The following ROR1 variants were observed in gnomAD, a reference collection of about 807,000 sequenced individuals.
ROR1 encodes ROR family WNT receptor 1.
In ROR1, 19 loss-of-function variants were observed where a neutral mutation model predicts 78.8. That is an observed-to-expected ratio of 0.24 (90% CI 0.17 to 0.35). The LOEUF is 0.35. Ranked by LOEUF, ROR1 falls within the 10% of genes least tolerant of loss-of-function variation. The pLI is 1.00. For synonymous variants in ROR1, 386 were observed against 433.6 expected (o/e 0.89, Z 1.36); for missense variants, 917 against 1,177.8 (o/e 0.78, Z 3.24).
At chr1:63,855,571 A>G (rs977930490) in intron 1 of ROR1, among the ~76,000 whole-genome samples, 3 of 150,794 alleles carry the variant, frequency 2.0e-5, no homozygotes, top group African/African-American at 4.9e-5. Context: ...ATCCTCTGCA[A>G]TGTCTAATCT....
intron 2 of ROR1, among the ~76,000 whole-genome samples, chr1:64,033,655 TA>T (rs1015927967): frequency 1.3e-5 from 2 of 152,234 alleles, no homozygotes; most frequent in African/African-American, 2.4e-5. Flanking sequence ...ATAGTAATAA[TA>T]ATGACAAACC....
At chr1:64,082,229 G>C (rs1271868485) in intron 4 of ROR1, among the ~76,000 whole-genome samples, 1 of 152,180 alleles carries the variant, frequency 6.6e-6, no homozygotes, top group Non-Finnish European at 1.5e-5. Context: ...GAATAAGTTC[G>C]TGGCAGTAAT....
chr1:64,105,117 G>A (rs146673746), intron 4 of ROR1, among the ~76,000 whole-genome samples: 2 of 152,244 alleles, frequency 1.3e-5, no homozygotes, highest in East Asian at 1.9e-4. Flanking sequence ...AACCTCACTA[G>A]CATCTATTGT....
At chr1:63,935,874 A>C (rs924410641) in intron 1 of ROR1, among the ~76,000 whole-genome samples, 1 of 152,234 alleles carries the variant, frequency 6.6e-6, no homozygotes. Flanking sequence ...CATTACAGGA[A>C]CATCCACACT....
At chr1:64,164,952 G>C (rs1212416516) in intron 8 of ROR1, among the ~76,000 whole-genome samples, 1 of 152,170 alleles carries the variant, frequency 6.6e-6, no homozygotes, top group Non-Finnish European at 1.5e-5. Flanking sequence ...TGTCCACATA[G>C]TATTCCATGG....
chr1:63,992,910 T>C (rs1646307505), intron 1 of ROR1, among the ~76,000 whole-genome samples: 1 of 152,192 alleles, frequency 6.6e-6, no homozygotes, highest in African/African-American at 2.4e-5. Context: ...CTACCCCTTA[T>C]GAATTTGTGA....
At chr1:64,160,556 T>G (rs1245059625) in intron 8 of ROR1, among the ~76,000 whole-genome samples, 1 of 152,136 alleles carries the variant, frequency 6.6e-6, no homozygotes, top group Non-Finnish European at 1.5e-5. Flanking sequence ...GGGATTCAAC[T>G]CTTTTGACAT....
chr1:64,173,595 G>C (rs1469346112), intron 8 of ROR1, among the ~76,000 whole-genome samples: 1 of 152,102 alleles, frequency 6.6e-6, no homozygotes, highest in Non-Finnish European at 1.5e-5. Context: ...TGGCTCTTTC[G>C]GCTCTCCTGA....
intron 4 of ROR1, among the ~76,000 whole-genome samples, chr1:64,080,679 G>GA (rs1318468176): frequency 7.2e-5 from 11 of 152,210 alleles, no homozygotes; most frequent in African/African-American, 1.9e-4. Context: ...AGCTTGCAGA[G>GA]AAAAAACATC....
intron 1 of ROR1, chr1:63,843,615 A>G (rs1458565433): frequency 1.5e-6 from 1 of 646,486 alleles, no homozygotes; most frequent in Non-Finnish European, 3.0e-6. Flanking sequence ...CTCCTCTGGC[A>G]TTGAAGACTT....
At chr1:64,046,138 G>A (rs1646780834) in intron 2 of ROR1, among the ~76,000 whole-genome samples, 1 of 152,136 alleles carries the variant, frequency 6.6e-6, no homozygotes, top group Admixed American at 6.5e-5. Context: ...CTCAGAAGAA[G>A]CAGACCCAAC....
At chr1:63,889,990 A>G (rs1255358894) in intron 1 of ROR1, among the ~76,000 whole-genome samples, 1 of 152,182 alleles carries the variant, frequency 6.6e-6, no homozygotes, top group Non-Finnish European at 1.5e-5. Context: ...AGACCATCCC[A>G]AGCCATCCTG....
At chr1:63,840,014 A>G (rs1236171094) in intron 1 of ROR1, among the ~76,000 whole-genome samples, 6 of 152,186 alleles carry the variant, frequency 3.9e-5, no homozygotes, top group Non-Finnish European at 8.8e-5. Flanking sequence ...AGGAGTATAT[A>G]TTAAGCTTAA....
intron 1 of ROR1, among the ~76,000 whole-genome samples, chr1:63,941,084 G>A (rs1569946748): frequency 6.6e-6 from 1 of 152,168 alleles, no homozygotes; most frequent in East Asian, 1.9e-4. Context: ...CTAAGTTAAA[G>A]GAGACTAAAG....
chr1:64,142,385 G>A lies in ROR1; in HGVS notation c.929-20G>A. 1 of 1,612,668 alleles carries A rather than the reference G, an allele frequency of 6.2e-7. No individual in the cohort carries two copies. The highest frequency in any genetic ancestry group is 2.2e-5 in the East Asian group (1 of 44,840). On this transcript the variant is annotated intron_variant, in intron 6 of 8. Transcript: ENST00000371079. ...TCCTATGTTTCTTTCTAATTGTTTG[G>A]GTTTTTGTGTGTTTTTCAGATCACA...
chr1:63,823,835 C>T, intron 1 of ROR1, among the ~76,000 whole-genome samples: 1 of 151,868 alleles, frequency 6.6e-6, no homozygotes, highest in East Asian at 1.9e-4. Flanking sequence ...GCAACCTCTG[C>T]CTCCCGGGTT....
chr1:64,121,193 TTCC>T (rs1295528177), intron 4 of ROR1, among the ~76,000 whole-genome samples: 1 of 146,416 alleles, frequency 6.8e-6, no homozygotes, highest in Non-Finnish European at 1.5e-5. Flanking sequence ...CCTTTCTTCC[TTCC>T]TCCCTCCCTC....
At position 63,833,321 on chromosome 1, in the gene ROR1, CT is replaced by C. The variant is rs1321802405; in HGVS notation, c.91+58817del. ...CTGCCTGAGTGGAAGGGTTTTGGTGCTTTTATCTTTTCTAAGTGTGTGCTGG... is the reference window on the plus strand; with the variant it reads ...CTGCCTGAGTGGAAGGGTTTTGGTGCTTTATCTTTTCTAAGTGTGTGCTGG... On this transcript the variant is annotated intron_variant, in intron 1 of 8. Transcript: ENST00000371079. Among the ~76,000 whole-genome samples the C allele has an allele frequency of 8.5e-5, 13 of 152,322 alleles. No homozygotes were observed. In the East Asian group the frequency reaches 2.1e-3, roughly 25 times the overall value.
intron 5 of ROR1, among the ~76,000 whole-genome samples, chr1:64,139,071 G>A (rs1005745310): frequency 6.6e-6 from 1 of 150,428 alleles, no homozygotes; most frequent in African/African-American, 2.5e-5. Flanking sequence ...GGAGGCTGAG[G>A]CATGAGAATC....
Sources: allele counts gnomAD v4.1 joint callset (sites outside exome capture counted in the v4.1 genomes callset), GRCh38; gene constraint gnomAD v4.1.1; transcripts MANE v1.5; gene names NCBI Gene and HGNC (gene_info 2026-07-23, HGNC 2026-07-21).